UBR3: variants seen among roughly 807,000 people sequenced by gnomAD.
UBR3 encodes the protein ubiquitin protein ligase E3 component n-recognin 3, also known as E3 ubiquitin-protein ligase UBR3.
A neutral mutation model predicts 243.2 loss-of-function variants in UBR3; 85 were observed. The observed-to-expected ratio is 0.35, with a 90% CI of 0.29 to 0.42. The LOEUF is 0.42. Ranked by LOEUF, UBR3 falls within the 10% of genes least tolerant of loss-of-function variation. UBR3 has a pLI of 1.00. For synonymous variants in UBR3, 748 were observed against 799.8 expected (o/e 0.94, Z 1.09); for missense variants, 1,686 against 2,300.8 (o/e 0.73, Z 5.47).
chr2:169,977,765 C>T (rs2088522438), intron 24 of UBR3, among the ~76,000 whole-genome samples: 2 of 152,186 alleles, frequency 1.3e-5, no homozygotes, highest in Non-Finnish European at 1.5e-5. Context: ...CTCACAGACA[C>T]ACCCAGAAAC....
At chr2:169,944,819 A>C (rs2086724016) in intron 20 of UBR3, among the ~76,000 whole-genome samples, 1 of 152,120 alleles carries the variant, frequency 6.6e-6, no homozygotes, top group South Asian at 2.1e-4. Flanking sequence ...ATTTATCAAG[A>C]GGAGATAGTA....
At chr2:170,004,191 G>A (rs1324663651) in intron 27 of UBR3, among the ~76,000 whole-genome samples, 4 of 152,124 alleles carry the variant, frequency 2.6e-5, no homozygotes, top group African/African-American at 9.7e-5. Context: ...GTGGGGGCTT[G>A]GACTTACTCA....
intron 1 of UBR3, among the ~76,000 whole-genome samples, chr2:169,859,207 G>A (rs532896417): frequency 1.2e-4 from 18 of 151,346 alleles, no homozygotes; most frequent in African/African-American, 4.4e-4. Flanking sequence ...AAGTAGCTGG[G>A]ACCACAGGCA....
intron 32 of UBR3, among the ~76,000 whole-genome samples, chr2:170,043,597 T>C (rs2091018281): frequency 6.6e-6 from 1 of 152,182 alleles, no homozygotes; most frequent in Non-Finnish European, 1.5e-5. Context: ...CTTGGACAAA[T>C]TTAATAAGCA....
chr2:169,917,266 A>T (rs929601462), intron 11 of UBR3, among the ~76,000 whole-genome samples: 3 of 152,188 alleles, frequency 2.0e-5, no homozygotes, highest in Admixed American at 6.5e-5. Context: ...TTCAGAGAGA[A>T]CATTGTCCAG....
At chr2:169,920,722 A>G (rs554512200) in intron 11 of UBR3, among the ~76,000 whole-genome samples, 2 of 152,198 alleles carry the variant, frequency 1.3e-5, no homozygotes, top group African/African-American at 2.4e-5. Flanking sequence ...TCTGAATCCT[A>G]GTTCAAATTT....
chr2:169,918,486 T>C (rs1035793890), intron 11 of UBR3, among the ~76,000 whole-genome samples: 1 of 120,470 alleles, frequency 8.3e-6, no homozygotes, highest in Non-Finnish European at 2.0e-5. Context: ...ATCAAGCAAA[T>C]AATTTTTTTT....
chr2:170,042,642 T>C (rs1337250903), intron 32 of UBR3, among the ~76,000 whole-genome samples: 1 of 148,252 alleles, frequency 6.7e-6, no homozygotes, highest in Non-Finnish European at 1.5e-5. Context: ...TGAGCTGAGA[T>C]TGCGCCACTG....
intron 28 of UBR3, among the ~76,000 whole-genome samples, 181 bp downstream of exon 28, chr2:170,007,371 G>A (rs1356420918): frequency 6.6e-6 from 1 of 151,822 alleles, no homozygotes; most frequent in Non-Finnish European, 1.5e-5. Context: ...ATTATCAAAG[G>A]CTATACTTCT....
intron 35 of UBR3, among the ~76,000 whole-genome samples, chr2:170,068,170 CT>C (rs1276112149): frequency 6.6e-6 from 1 of 151,788 alleles, no homozygotes; most frequent in Admixed American, 6.6e-5. Context: ...ACTTCAAATA[CT>C]TTATTTGAAA....
At chr2:170,070,893 G>T (rs1213622364) in intron 35 of UBR3, among the ~76,000 whole-genome samples, 1 of 152,106 alleles carries the variant, frequency 6.6e-6, no homozygotes, top group Non-Finnish European at 1.5e-5. Flanking sequence ...CTTGTATCCA[G>T]AATGTGTCAA....
At chr2:169,929,583 AAAAAAGTCCAC>A (rs2086043528) in intron 18 of UBR3, among the ~76,000 whole-genome samples, 1 of 152,154 alleles carries the variant, frequency 6.6e-6, no homozygotes, top group African/African-American at 2.4e-5. Context: ...ATCTCAAAAA[AAAAAAGTCCAC>A]ATAGAATGCT....
chr2:170,040,807 T>C lies in UBR3; in HGVS notation c.4557-75T>C, dbSNP rs544847355. 6.7e-5 allele frequency: 75 copies of C among 1,115,152 alleles called. 1 individual carries two copies. In the South Asian group the frequency reaches 1.0e-3, roughly 15 times the overall value. The allele number at this position is 1,115,152 out of a possible 1,614,324, so 69.1% of individuals were successfully genotyped here. On this transcript the variant is annotated intron_variant, in intron 31 of 38. Transcript: ENST00000272793. Reference sequence around the variant, plus strand: ...AGTTTTTATTTCTGTTCCATAGATATATATGTGACATATAAAATAAATTAG... The same window carrying C: ...AGTTTTTATTTCTGTTCCATAGATACATATGTGACATATAAAATAAATTAG...
intron 35 of UBR3, among the ~76,000 whole-genome samples, chr2:170,065,545 A>C (rs2091546592): frequency 1.3e-5 from 2 of 152,112 alleles, no homozygotes; most frequent in Admixed American, 1.3e-4. Flanking sequence ...CACCCCCCTC[A>C]GCTCCCAAAG....
chr2:169,871,277 C>A (rs1316429446), intron 1 of UBR3, among the ~76,000 whole-genome samples: 1 of 151,884 alleles, frequency 6.6e-6, no homozygotes, highest in Non-Finnish European at 1.5e-5. Flanking sequence ...TGTAGCAAGA[C>A]CCTGTCTCTA....
At chr2:169,904,525 TA>T (rs1279536367) in intron 8 of UBR3, among the ~76,000 whole-genome samples, 1 of 151,362 alleles carries the variant, frequency 6.6e-6, no homozygotes, top group Non-Finnish European at 1.5e-5. Flanking sequence ...ATGATGTATT[TA>T]AACTTTGAGG....
intron 1 of UBR3, among the ~76,000 whole-genome samples, chr2:169,870,086 T>A (rs1435084439): frequency 1.3e-5 from 2 of 152,182 alleles, no homozygotes; most frequent in African/African-American, 4.8e-5. Flanking sequence ...TCTTCCAGGC[T>A]CCATTTCTTA....
chr2:169,911,615 G>T (rs1220431603), intron 10 of UBR3, among the ~76,000 whole-genome samples: 1 of 152,056 alleles, frequency 6.6e-6, no homozygotes, highest in African/African-American at 2.4e-5. Flanking sequence ...TGCTGTATTT[G>T]TGAATGGAAT....
At chr2:169,963,754 A>T (rs2087684497) in intron 24 of UBR3, among the ~76,000 whole-genome samples, 1 of 152,212 alleles carries the variant, frequency 6.6e-6, no homozygotes, top group South Asian at 2.1e-4. Context: ...GTACATATGC[A>T]TATAAATGCA....
Sources: gnomAD v4.1 joint callset for allele counts (sites outside exome capture counted in the v4.1 genomes callset) on GRCh38, gnomAD v4.1.1 for gene constraint, MANE v1.5 for transcripts, NCBI Gene and HGNC (gene_info 2026-07-23, HGNC 2026-07-21) for gene names.